The following AK5 variants were observed in gnomAD, a reference collection of about 807,000 sequenced individuals.
The protein encoded by AK5 is adenylate kinase 5.
A neutral mutation model predicts 69.5 loss-of-function variants in AK5; 27 were observed. The observed-to-expected ratio is 0.39, with a 90% CI of 0.29 to 0.54. The LOEUF is 0.54. Among genes scored for constraint, AK5 ranks in the 20% least tolerant of loss-of-function variants. The pLI is 0.71. For synonymous variants in AK5, 260 were observed against 244.4 expected (o/e 1.06, Z -0.60); for missense variants, 531 against 700.4 (o/e 0.76, Z 2.73).
At chr1:77,475,167 GTATATA>G (rs35137146) in intron 8 of AK5, among the ~76,000 whole-genome samples, 6 of 89,940 alleles carry the variant, frequency 6.7e-5, no homozygotes, top group African/African-American at 1.2e-4. Context: ...GTGTGTGCAT[GTATATA>G]TATATATATA....
intron 6 of AK5, among the ~76,000 whole-genome samples, chr1:77,397,731 C>T (rs1032103565): frequency 6.6e-6 from 1 of 151,970 alleles, no homozygotes; most frequent in Non-Finnish European, 1.5e-5. Flanking sequence ...CTTGTCTCTA[C>T]AAAAAATTTA....
chr1:77,399,856 A>G (rs1649087225), intron 6 of AK5, among the ~76,000 whole-genome samples: 1 of 152,228 alleles, frequency 6.6e-6, no homozygotes, highest in Non-Finnish European at 1.5e-5. Flanking sequence ...TAGAGTCAAC[A>G]ATAGACAAAG....
Position 77,518,609 on chromosome 1 carries a change from A to G in AK5, c.1193A>G (p.Glu398Gly). Residue 398 changes from glutamate to glycine, a missense_variant, in exon 11 of 14, where the codon GAA (glutamate) becomes GGA (glycine). Glu to Gly is a moderately conservative substitution (Grantham distance 98). Coordinates refer to ENST00000354567, the MANE Select transcript of AK5 (RefSeq NM_174858.3). ...GGCACACAGTGTGAAAAGCTGGTGG[A>G]AAAATATGGATTTACACATCTCTCA... The part of the protein sequence containing the change: ...GKGTQCEKLV[E>G]KYGFTHLSTG... 1 of 1,614,168 alleles carries G rather than the reference A, an allele frequency of 6.2e-7. No individual in the cohort carries two copies. The highest frequency in any genetic ancestry group is 8.5e-7 in the Non-Finnish European group (1 of 1,180,018).
At chr1:77,344,089 C>T (rs894799352) in intron 6 of AK5, among the ~76,000 whole-genome samples, 4 of 152,122 alleles carry the variant, frequency 2.6e-5, no homozygotes, top group Admixed American at 1.3e-4. Context: ...CCACTCTTTT[C>T]TTTTTTACCT....
chr1:77,303,835 T>C (rs1375386088), intron 5 of AK5, among the ~76,000 whole-genome samples: 1 of 152,194 alleles, frequency 6.6e-6, no homozygotes. Flanking sequence ...AGAGGATCTA[T>C]GCTCAAATTC....
At chr1:77,376,950 C>T (rs527632254) in intron 6 of AK5, among the ~76,000 whole-genome samples, 1 of 152,232 alleles carries the variant, frequency 6.6e-6, no homozygotes, top group South Asian at 2.1e-4. Context: ...ATAGAAGTCT[C>T]ACTTTAATCA....
chr1:77,447,270 A>C (rs992915591), intron 8 of AK5, among the ~76,000 whole-genome samples: 2 of 152,354 alleles, frequency 1.3e-5, no homozygotes, highest in African/African-American at 4.8e-5. Flanking sequence ...TTCTTGACTA[A>C]AAAGTCAGAA....
At position 77,463,134 on chromosome 1, in the gene AK5, C is replaced by T. The variant is rs563598356; in HGVS notation, c.1060-20183C>T. Among the ~76,000 whole-genome samples the T allele has an allele frequency of 3.1e-4, 47 of 152,214 alleles. 1 individual carries two copies. In the South Asian group the frequency reaches 9.8e-3, roughly 32 times the overall value. ...TAGACGTTGGAGGGGGGAACTTCTT[C>T]TCTCCTAATGTTTAAGAAGGGCCCA... On this transcript the variant is annotated intron_variant, in intron 8 of 13. Coordinates refer to ENST00000354567, the MANE Select transcript of AK5 (RefSeq NM_174858.3).
In AK5 at chr1:77,558,737, T is replaced by C. The variant is rs1660270044; in HGVS notation, c.*67T>C. The C allele has an allele frequency of 1.7e-6, 2 of 1,164,092 alleles. No homozygotes were observed. The highest frequency in any genetic ancestry group is 1.5e-5 in the African/African-American group (1 of 67,222). The allele number at this position is 1,164,092 out of a possible 1,614,324, so 72.1% of individuals were successfully genotyped here. The stretch of plus-strand genomic sequence containing the variant: ...TTAAAAAGTTCATTCCTTAACACAA[T>C]GTTTCAAGTTAAACCTTTTGTGTCA... On this transcript the variant is annotated 3_prime_UTR_variant, in exon 14 of 14. Coordinates refer to ENST00000354567, the MANE Select transcript of AK5 (RefSeq NM_174858.3).
intron 8 of AK5, among the ~76,000 whole-genome samples, chr1:77,436,178 A>G (rs995417113): frequency 6.6e-6 from 1 of 151,958 alleles, no homozygotes. Context: ...TCTTGTTTCT[A>G]TTTCCTTTCT....
chr1:77,367,620 T>TAA (rs1472845435), intron 6 of AK5, among the ~76,000 whole-genome samples: 1 of 69,952 alleles, frequency 1.4e-5, no homozygotes, highest in African/African-American at 7.6e-5. Flanking sequence ...AATATATATG[T>TAA]TATATATGTA....
chr1:77,283,272 A>G (rs1162399014), intron 1 of AK5: 3 of 984,760 alleles, frequency 3.0e-6, no homozygotes, highest in African/African-American at 3.5e-5. Context: ...CCTGAATCTC[A>G]AGTGCTTTTG....
chr1:77,539,664 T>C (rs1659166724), intron 13 of AK5, among the ~76,000 whole-genome samples: 1 of 152,158 alleles, frequency 6.6e-6, no homozygotes, highest in Non-Finnish European at 1.5e-5. Flanking sequence ...CAGGATTGTT[T>C]GCCGCTGGAG....
At chr1:77,304,410 C>CTT (rs59515509) in intron 5 of AK5, among the ~76,000 whole-genome samples, 19,993 of 141,916 alleles carry the variant, frequency 0.14, 1,571 homozygotes, top group Middle Eastern at 0.22. Flanking sequence ...CTTTTCTTTT[C>CTT]TTTTTTTTTT....
chr1:77,300,833 C>A (rs193116779), intron 5 of AK5, among the ~76,000 whole-genome samples: 2 of 152,280 alleles, frequency 1.3e-5, no homozygotes, highest in Admixed American at 1.3e-4. Context: ...TAATTCACTG[C>A]AGTGACTCAG....
intron 12 of AK5, among the ~76,000 whole-genome samples, chr1:77,533,807 G>A (rs891181306): frequency 2.6e-5 from 4 of 152,022 alleles, no homozygotes; most frequent in African/African-American, 9.7e-5. Context: ...TGGAAAAATC[G>A]CCTGGCTGTC....
intron 8 of AK5, among the ~76,000 whole-genome samples, chr1:77,469,361 C>T (rs1333847418): frequency 1.3e-5 from 2 of 152,150 alleles, no homozygotes; most frequent in Non-Finnish European, 2.9e-5. Flanking sequence ...TCCTCGATAA[C>T]CTGGGTGAGC....
intron 8 of AK5, among the ~76,000 whole-genome samples, chr1:77,449,850 C>A (rs1653029839): frequency 6.6e-6 from 1 of 152,188 alleles, no homozygotes; most frequent in African/African-American, 2.4e-5. Flanking sequence ...TTTCTGCAGC[C>A]AGCTTGAGTT....
At chr1:77,350,093 G>A (rs953840531) in intron 6 of AK5, among the ~76,000 whole-genome samples, 4 of 152,218 alleles carry the variant, frequency 2.6e-5, no homozygotes, top group Non-Finnish European at 5.9e-5. Flanking sequence ...GGAATACAAA[G>A]ATGATGTGGA....
Sources: allele counts gnomAD v4.1 joint callset (sites outside exome capture counted in the v4.1 genomes callset), GRCh38; gene constraint gnomAD v4.1.1; transcripts MANE v1.5; gene names NCBI Gene and HGNC (gene_info 2026-07-23, HGNC 2026-07-21).